SFTPD: variants seen among roughly 807,000 people sequenced by gnomAD.
The protein encoded by SFTPD is pulmonary surfactant-associated protein D.
In SFTPD, 18 loss-of-function variants were observed where a neutral mutation model predicts 34.6. The observed-to-expected ratio is 0.52, with a 90% CI of 0.36 to 0.77. The LOEUF (loss-of-function observed/expected upper bound fraction) is 0.77, where lower values mean the gene tolerates loss of function less well. Among genes scored for constraint, SFTPD ranks in the 30% least tolerant of loss-of-function variants. SFTPD has a pLI of 0.00. For synonymous variants in SFTPD, 155 were observed against 180.9 expected (o/e 0.86, Z 1.15); for missense variants, 433 against 468.9 (o/e 0.92, Z 0.71).
intron 3 of SFTPD, 33 bp from the exon 4 acceptor site, chr10:79,942,537 T>C: frequency 7.2e-7 from 1 of 1,395,652 alleles, no homozygotes; most frequent in Non-Finnish European, 1.0e-6. Flanking sequence ...TCAGTAACAA[T>C]GAATCCTCTT....
chr10:79,940,332 T>A (rs547746372), intron 7 of SFTPD, among the ~76,000 whole-genome samples: 5 of 152,244 alleles, frequency 3.3e-5, no homozygotes, highest in Non-Finnish European at 4.4e-5. Flanking sequence ...GGACAACAAT[T>A]TATCTCAGGG....
At chr10:79,943,980 TA>T (rs1462326568) in intron 2 of SFTPD, among the ~76,000 whole-genome samples, 1 of 152,166 alleles carries the variant, frequency 6.6e-6, no homozygotes, top group Non-Finnish European at 1.5e-5. Flanking sequence ...GTACACAAAC[TA>T]TGGAGGCCAT....
At chr10:79,941,648 A>G in intron 5 of SFTPD, 134 bp from the exon 6 acceptor site, 1 of 695,168 alleles carries the variant, frequency 1.4e-6, no homozygotes, top group South Asian at 1.8e-5. Flanking sequence ...GTACCCAGCC[A>G]TGCAGCTCCC....
At chr10:79,977,737 G>A (rs931513037) in intron 1 of SFTPD, among the ~76,000 whole-genome samples, 1 of 152,204 alleles carries the variant, frequency 6.6e-6, no homozygotes, top group African/African-American at 2.4e-5. Flanking sequence ...CTACTAAGGA[G>A]TTGTTACAGA....
chr10:79,948,612 A>G (rs1031439107), intron 1 of SFTPD, among the ~76,000 whole-genome samples: 9 of 152,216 alleles, frequency 5.9e-5, no homozygotes, highest in African/African-American at 1.7e-4. Context: ...ACCTGAAGCT[A>G]TGAGAAAAAC....
chr10:79,957,971 C>A (rs1033518740), intron 1 of SFTPD, among the ~76,000 whole-genome samples: 7 of 152,178 alleles, frequency 4.6e-5, no homozygotes, highest in Non-Finnish European at 2.9e-5. Context: ...ACTCTACAAG[C>A]CAGAAGAGAG....
At chr10:79,950,165 A>G (rs1180031475), upstream of SFTPD, 1 of 152,156 alleles carries the variant, frequency 6.6e-6, no homozygotes. Context: ...TTTTAAGTGG[A>G]ACATTTACTC....
rs187854456 is a variant in SFTPD at position 79,975,769 on chromosome 10, G to A, written c.36+6806C>T. Among the ~76,000 whole-genome samples the A allele has an allele frequency of 1.0e-3, 157 of 152,256 alleles. 2 individuals are homozygous for A. The highest frequency in any genetic ancestry group is 3.3e-3 in the African/African-American group (135 of 41,536). ...ATTAGCATTGTTTGTATAGATATTC[G>A]ATTAACTAAAAGTATCCTTTATGGG... On this transcript the variant is annotated intron_variant, in intron 1 of 5. Coordinates refer to the SFTPD transcript ENST00000444384.
intron 1 of SFTPD, chr10:79,970,211 C>CTCTGT (rs967065825): frequency 2.6e-5 from 4 of 152,144 alleles, no homozygotes; most frequent in South Asian, 2.1e-4. Flanking sequence ...TTTTTGGGTT[C>CTCTGT]TCTGTTCTGT....
chr10:79,971,064 T>C (rs1307286802), intron 1 of SFTPD: 1 of 152,210 alleles, frequency 6.6e-6, no homozygotes, highest in African/African-American at 2.4e-5. Context: ...TGTTGAAGAT[T>C]TTTATCATGA....
chr10:79,971,724 C>T (rs572800497), intron 1 of SFTPD: 2 of 152,146 alleles, frequency 1.3e-5, no homozygotes, highest in South Asian at 4.2e-4. Context: ...TGCGGGAATG[C>T]TCTTATATGT....
chr10:79,938,758 AAG>A (rs1033588164), intron 7 of SFTPD, among the ~76,000 whole-genome samples: 25 of 152,216 alleles, frequency 1.6e-4, no homozygotes, highest in African/African-American at 5.8e-4. Context: ...GGGGTGATGA[AAG>A]GGGAGAGACA....
intron 1 of SFTPD, among the ~76,000 whole-genome samples, chr10:79,955,083 A>G (rs1842731393): frequency 6.6e-6 from 1 of 152,166 alleles, no homozygotes; most frequent in South Asian, 2.1e-4. Flanking sequence ...CGCAGCCTCC[A>G]TACTAGCAGT....
chr10:79,942,413 G>T lies in SFTPD; in HGVS notation c.408C>A (p.Gly136=), dbSNP rs1454404462. 2 of 1,612,098 alleles carry T rather than the reference G, an allele frequency of 1.2e-6. No homozygotes were observed. Among genetic ancestry groups the T allele is most frequent in the South Asian group, 2.2e-5 (2 of 91,046 alleles). The change falls in exon 4 of 8, where the codon GGC becomes GGA. Residue 136 remains glycine, a synonymous_variant. Transcript: ENST00000372292. Reference sequence around the variant, plus strand: ...CTTTGGGCCCAGCTTCTCCTTTTGGGCCTGGCTTGCCCTGAGGTCCTATGT... The same window carrying T: ...CTTTGGGCCCAGCTTCTCCTTTTGGTCCTGGCTTGCCCTGAGGTCCTATGT... The part of the protein sequence containing the change: ...QGNIGPQGKP[G]PKGEAGPKGE...
chr10:79,945,371 T>C (rs1365298941), intron 2 of SFTPD, among the ~76,000 whole-genome samples: 1 of 152,134 alleles, frequency 6.6e-6, no homozygotes, highest in Non-Finnish European at 1.5e-5. Context: ...CCACTTTCTG[T>C]CTGTAAGGGA....
chr10:79,941,574 AT>A, intron 5 of SFTPD, 60 bp from the exon 6 acceptor site: 2 of 1,302,296 alleles, frequency 1.5e-6, no homozygotes, highest in Non-Finnish European at 2.1e-6. Context: ...TGTTTTTAGC[AT>A]TTTTACCTTC....
chr10:79,942,095 AAC>A (rs1842618865), intron 4 of SFTPD, 25 bp from the exon 5 acceptor site: 1 of 1,541,530 alleles, frequency 6.5e-7, no homozygotes, highest in Non-Finnish European at 8.9e-7. Flanking sequence ...CACAGGAACA[AAC>A]ACAGCTAAGA....
intron 7 of SFTPD, among the ~76,000 whole-genome samples, chr10:79,939,380 T>C (rs887876440): frequency 6.6e-6 from 1 of 152,236 alleles, no homozygotes; most frequent in African/African-American, 2.4e-5. Context: ...AGAGCAGCCC[T>C]GAACAAAGTC....
chr10:79,973,307 T>G (rs1479961924), intron 1 of SFTPD: 1 of 151,848 alleles, frequency 6.6e-6, no homozygotes, highest in Non-Finnish European at 1.5e-5. Context: ...TGTAGGGGAG[T>G]TTCCACTGGT....
Sources: allele counts gnomAD v4.1 joint callset (sites outside exome capture counted in the v4.1 genomes callset), GRCh38; gene constraint gnomAD v4.1.1; transcripts MANE v1.5; gene names NCBI Gene and HGNC (gene_info 2026-07-23, HGNC 2026-07-21).